NRXN3: variants seen among roughly 807,000 people sequenced by gnomAD.
The protein encoded by NRXN3 is neurexin 3, also known as neurexin III.
NRXN3 carries 32 observed loss-of-function variants against 137.6 expected under a neutral mutation model. The observed-to-expected ratio is 0.23, with a 90% CI of 0.18 to 0.31. The LOEUF is 0.31. NRXN3 is among the 10% of genes least tolerant of loss of function. The pLI is 1.00. For missense variants in NRXN3, 1,574 were observed against 2,062.5 expected, an observed-to-expected ratio of 0.76 and a Z score of 4.59; for synonymous variants, 798 against 784.5, an observed-to-expected ratio of 1.02 and a Z score of -0.29.
intron 15 of NRXN3, 162 bp downstream of exon 15, chr14:78,988,303 A>G: frequency 2.4e-6 from 2 of 841,596 alleles, no homozygotes; most frequent in Non-Finnish European, 3.9e-6. Context: ...TTATGAGAAG[A>G]GTGAAGAGAT....
At chr14:78,906,599 T>C (rs1040230192) in intron 10 of NRXN3, among the ~76,000 whole-genome samples, 2 of 152,108 alleles carry the variant, frequency 1.3e-5, no homozygotes, top group African/African-American at 4.8e-5. Flanking sequence ...AAACAATATT[T>C]CTTTGGGGAA....
chr14:78,559,049 A>G (rs2096763850), intron 4 of NRXN3, among the ~76,000 whole-genome samples: 1 of 152,226 alleles, frequency 6.6e-6, no homozygotes. Flanking sequence ...GGGTGAAGAG[A>G]GTTGAATACA....
chr14:78,574,421 G>A (rs751764375), intron 4 of NRXN3, among the ~76,000 whole-genome samples: 7 of 152,356 alleles, frequency 4.6e-5, no homozygotes, highest in South Asian at 4.1e-4. Flanking sequence ...GAAAGCAGCC[G>A]AAAGAGGGGC....
chr14:78,516,891 A>G (rs575897375), intron 4 of NRXN3, among the ~76,000 whole-genome samples: 46 of 152,330 alleles, frequency 3.0e-4, no homozygotes, highest in Middle Eastern at 3.4e-3. Flanking sequence ...GGGAACCAGG[A>G]GACCTGTGTG....
intron 1 of NRXN3, among the ~76,000 whole-genome samples, chr14:78,200,812 C>T (rs968937625): frequency 3.3e-5 from 5 of 152,186 alleles, no homozygotes; most frequent in African/African-American, 1.2e-4. Context: ...ATGCAAAGAA[C>T]CTTCCCCAGA....
chr14:79,829,769 C>A (rs1259610382), intron 20 of NRXN3, among the ~76,000 whole-genome samples: 2 of 152,080 alleles, frequency 1.3e-5, no homozygotes, highest in Non-Finnish European at 2.9e-5. Flanking sequence ...ATGGTAACAA[C>A]ATCATCTATA....
In NRXN3 at chr14:79,830,685, C is replaced by T. The variant is rs558949173; in HGVS notation, c.4093+25495C>T. Among the ~76,000 whole-genome samples, 9 of 152,274 alleles carry T rather than the reference C, an allele frequency of 5.9e-5. No homozygotes were observed. The South Asian group carries it at 8.3e-4, about 14-fold the overall frequency. Reference sequence around the variant, plus strand: ...TCACCCAAATTGCAACTGAGGAAAACGTGTTCATTTTTCAAATAGAGTTTG... The same window carrying T: ...TCACCCAAATTGCAACTGAGGAAAATGTGTTCATTTTTCAAATAGAGTTTG... On this transcript the variant is annotated intron_variant, in intron 20 of 20. Transcript: ENST00000335750.
Position 78,709,268 on chromosome 14 carries a change from A to ATT in NRXN3, c.1274_1275dup (p.Ala426LeufsTer6). 6.2e-7 allele frequency: 1 copy of ATT among 1,614,102 alleles called. No homozygotes were observed. Among genetic ancestry groups the ATT allele is most frequent in the Non-Finnish European group, 8.5e-7 (1 of 1,180,006 alleles). On this transcript the variant is annotated frameshift_variant, in exon 7 of 21. Coordinates refer to ENST00000335750, the MANE Select transcript of NRXN3 (RefSeq NM_001330195.2). LOFTEE classifies it high-confidence loss of function. Reference sequence around the variant, plus strand: ...TCTGGAGCTGTCTCGCCTGGCCCGGATTGCGGACACCAAGATGAAAATCTA... The same window carrying ATT: ...TCTGGAGCTGTCTCGCCTGGCCCGGATTTTGCGGACACCAAGATGAAAATCTA...
intron 15 of NRXN3, among the ~76,000 whole-genome samples, chr14:79,234,290 G>GTAAA (rs2072811668): frequency 3.3e-5 from 1 of 29,994 alleles, no homozygotes; most frequent in Non-Finnish European, 5.7e-5. Flanking sequence ...ATATTCAATG[G>GTAAA]TAAATATATA....
chr14:78,919,901 G>A (rs867556946), intron 10 of NRXN3, among the ~76,000 whole-genome samples: 7 of 152,058 alleles, frequency 4.6e-5, no homozygotes, highest in African/African-American at 7.2e-5. Context: ...TGCTAAGCAC[G>A]TCACAGTCAT....
chr14:78,855,646 G>A (rs2099055028), intron 10 of NRXN3, among the ~76,000 whole-genome samples: 1 of 152,118 alleles, frequency 6.6e-6, no homozygotes, highest in Non-Finnish European at 1.5e-5. Context: ...AGAACCCAGA[G>A]GCAATGAATG....
At chr14:79,599,918 C>T (rs1567621620) in intron 16 of NRXN3, among the ~76,000 whole-genome samples, 1 of 152,198 alleles carries the variant, frequency 6.6e-6, no homozygotes, top group Non-Finnish European at 1.5e-5. Flanking sequence ...TCTCTTGAAC[C>T]CAGGAGGCGG....
At chr14:79,138,321 T>C (rs1034112370) in intron 15 of NRXN3, among the ~76,000 whole-genome samples, 2 of 152,190 alleles carry the variant, frequency 1.3e-5, no homozygotes, top group Non-Finnish European at 1.5e-5. Flanking sequence ...GCCTGGCTAA[T>C]GCCTTTTAAG....
At chr14:78,628,046 G>A (rs1486599995) in intron 4 of NRXN3, among the ~76,000 whole-genome samples, 1 of 151,574 alleles carries the variant, frequency 6.6e-6, no homozygotes, top group Non-Finnish European at 1.5e-5. Context: ...AGTTGATATG[G>A]ATAATACCAT....
At chr14:79,854,147 G>A in intron 20 of NRXN3, 1 of 983,018 alleles carries the variant, frequency 1.0e-6, no homozygotes, top group Non-Finnish European at 1.2e-6. Context: ...ATTTGTCCAA[G>A]AGCATTCTTA....
At chr14:79,787,472 A>G (rs1298370310) in intron 19 of NRXN3, among the ~76,000 whole-genome samples, 1 of 152,226 alleles carries the variant, frequency 6.6e-6, no homozygotes, top group African/African-American at 2.4e-5. Flanking sequence ...TCTAGTCACC[A>G]TGCTGTGTAA....
intron 16 of NRXN3, among the ~76,000 whole-genome samples, chr14:79,518,065 C>G (rs2097015689): frequency 2.0e-5 from 3 of 151,850 alleles, no homozygotes; most frequent in Non-Finnish European, 2.9e-5. Context: ...GCCACCACAC[C>G]TGGCTAATTT....
intron 9 of NRXN3, among the ~76,000 whole-genome samples, chr14:78,804,162 T>C (rs780960784): frequency 3.9e-5 from 6 of 152,052 alleles, no homozygotes; most frequent in Non-Finnish European, 5.9e-5. Context: ...TAAGTCCAAC[T>C]CCTCAGTCAC....
chr14:78,710,924 T>A (rs575882241), intron 7 of NRXN3, among the ~76,000 whole-genome samples: 1 of 152,354 alleles, frequency 6.6e-6, no homozygotes, highest in South Asian at 2.1e-4. Context: ...AATGTGCTCG[T>A]TAAGCAAGAA....
Sources: gnomAD v4.1 joint callset for allele counts (sites outside exome capture counted in the v4.1 genomes callset) on GRCh38, gnomAD v4.1.1 for gene constraint, MANE v1.5 for transcripts, NCBI Gene and HGNC (gene_info 2026-07-23, HGNC 2026-07-21) for gene names.